ATAD3B: variants seen among roughly 807,000 people sequenced by gnomAD.
ATAD3B encodes ATPase family AAA domain-containing protein 3B.
In ATAD3B, 59 loss-of-function variants were observed where a neutral mutation model predicts 70.2. The ratio of observed to expected loss-of-function variants is 0.84; its 90% confidence interval spans 0.68 to 1.04. The LOEUF (loss-of-function observed/expected upper bound fraction) is 1.04, where lower values mean the gene tolerates loss of function less well. Ranked by LOEUF, ATAD3B falls within the 50% of genes least tolerant of loss-of-function variation. ATAD3B has a pLI of 0.00. For missense variants in ATAD3B, 961 were observed against 913.4 expected (o/e 1.05, Z -0.67); for synonymous variants, 423 against 388.6 (o/e 1.09, Z -1.04).
chr1:1,487,828 A>ACTCTCGCCTTGCTTGGCCTCT (rs1557810348), intron 11 of ATAD3B, 35 bp from the exon 12 acceptor site: 1 of 1,610,400 alleles, frequency 6.2e-7, no homozygotes. Flanking sequence ...TCCTGGCGTC[A>ACTCTCGCCTTGCTTGGCCTCT]CTCTCGCCTT....
rs775808909 is a variant in ATAD3B, at chr1:1,477,252, TCCGTGCCA to T, written c.206-20_206-13del. ...GTATCCGTGTATCCTACACCTGCTC[TCCGTGCCA>T]CATGCGCCCGCAGGTTACGCCAAGG... On this transcript the variant is annotated splice_polypyrimidine_tract_variant and intron_variant, in intron 1 of 15. Transcript: ENST00000673477. 4.3e-6 allele frequency: 7 copies of T among 1,611,614 alleles called. No individual in the cohort carries two copies. Among genetic ancestry groups the T allele is most frequent in the Non-Finnish European group, 5.9e-6 (7 of 1,179,354 alleles).
chr1:1,493,983 G>T (rs1325988759), intron 15 of ATAD3B, among the ~76,000 whole-genome samples: 1 of 151,920 alleles, frequency 6.6e-6, no homozygotes, highest in Non-Finnish European at 1.5e-5. Context: ...TTGAGGAGTG[G>T]TACTGATTCT....
downstream of ATAD3B, among the ~76,000 whole-genome samples, chr1:1,498,425 C>T (rs1483173988): frequency 1.3e-5 from 2 of 151,950 alleles, no homozygotes; most frequent in Non-Finnish European, 2.9e-5. Context: ...CGCACCACTG[C>T]ACTCCAGCCT....
the ATAD3B span, among the ~76,000 whole-genome samples, chr1:1,503,943 G>A: frequency 1.3e-5 from 2 of 152,176 alleles, no homozygotes; most frequent in East Asian, 3.9e-4. Context: ...TTTTCACTCA[G>A]CAGAATTTTT....
At chr1:1,480,627 G>A (rs1177244294) in intron 4 of ATAD3B, among the ~76,000 whole-genome samples, 1 of 147,290 alleles carries the variant, frequency 6.8e-6, no homozygotes, top group Non-Finnish European at 1.5e-5. Flanking sequence ...CCTTGTCAGG[G>A]AAGCCACAGT....
intron 4 of ATAD3B, among the ~76,000 whole-genome samples, chr1:1,479,316 A>G (rs1177646225): frequency 6.8e-6 from 1 of 147,840 alleles, no homozygotes; most frequent in African/African-American, 2.5e-5. Flanking sequence ...ACACGGAGAC[A>G]CAGGCACCTG....
At position 1,482,570 on chromosome 1, in the gene ATAD3B, G is replaced by A; in HGVS notation, c.706G>A (p.Gly236Arg). The A allele has an allele frequency of 6.2e-7, 1 of 1,613,356 alleles. No individual in the cohort carries two copies. The highest frequency in any genetic ancestry group is 8.5e-7 in the Non-Finnish European group (1 of 1,179,544). Reference protein sequence around the residue: ...IRTAGTLFGEGFRAFVTDRDK... With the variant: ...IRTAGTLFGERFRAFVTDRDK... Reference sequence around the variant, plus strand: ...GACGGCTGGCACCTTGTTTGGGGAAGGATTCCGTGCCTTTGTGACAGACCG... The same window carrying A: ...GACGGCTGGCACCTTGTTTGGGGAAAGATTCCGTGCCTTTGTGACAGACCG... The change falls in exon 7 of 16, where the codon GGA (glycine) becomes AGA (arginine). Residue 236 changes from glycine (G) to arginine (R), a missense_variant. Gly to Arg is a moderately radical substitution (Grantham distance 125). This residue lies in a region of ATAD3B where 349 missense variants were observed against 307.5 expected (regional missense o/e 1.14). Coordinates refer to ENST00000673477, the MANE Select transcript of ATAD3B (RefSeq NM_031921.6).
intron 11 of ATAD3B, 36 bp from the exon 12 acceptor site, chr1:1,487,827 C>T (rs372066277): frequency 1.2e-6 from 2 of 1,610,442 alleles, no homozygotes; most frequent in South Asian, 2.2e-5. Context: ...CTCCTGGCGT[C>T]ACTCTCGCCT....
chr1:1,483,321 G>A (rs1640025048), intron 7 of ATAD3B, among the ~76,000 whole-genome samples: 1 of 151,766 alleles, frequency 6.6e-6, no homozygotes, highest in African/African-American at 2.4e-5. Context: ...ACAAAAATTA[G>A]CAGGCCAAGG....
chr1:1,501,671 G>A (rs1184894190), downstream of ATAD3B, among the ~76,000 whole-genome samples: 3 of 152,020 alleles, frequency 2.0e-5, no homozygotes, highest in Non-Finnish European at 4.4e-5. Flanking sequence ...GATTACAGGT[G>A]TGAGCCACAG....
the ATAD3B span, among the ~76,000 whole-genome samples, chr1:1,508,054 C>T: frequency 5.3e-5 from 8 of 152,330 alleles, no homozygotes; most frequent in East Asian, 3.9e-4. Context: ...ATCTGCGTAG[C>T]CCCTTTCCTC....
At chr1:1,483,043 C>G in intron 7 of ATAD3B, 1 of 455,904 alleles carries the variant, frequency 2.2e-6, no homozygotes, top group Non-Finnish European at 4.4e-6. Flanking sequence ...GCCTGTAATC[C>G]CAGCATTTTC....
At chr1:1,503,811 G>A in the ATAD3B span, 4 of 1,247,478 alleles carry the variant, frequency 3.2e-6, no homozygotes, top group South Asian at 5.4e-5. Context: ...TCATTTCACA[G>A]AAGGAAACAA....
Position 1,495,902 on chromosome 1 carries a change from G to C in ATAD3B, c.*85G>C, listed in dbSNP as rs1444005094. On this transcript the variant is annotated 3_prime_UTR_variant, in exon 16 of 16. Coordinates refer to ENST00000673477, the MANE Select transcript of ATAD3B (RefSeq NM_031921.6). ...ATTTTCCGTCTGGCTCACAGGGGGAGGGTGAGGCTTTGTACCCCAGCCCCT... is the reference window on the plus strand; with the variant it reads ...ATTTTCCGTCTGGCTCACAGGGGGACGGTGAGGCTTTGTACCCCAGCCCCT... The C allele has an allele frequency of 6.8e-7, 1 of 1,464,056 alleles. No individual in the cohort carries two copies. Among genetic ancestry groups the C allele is most frequent in the Non-Finnish European group, 9.0e-7 (1 of 1,113,036 alleles). 90.7% of individuals were successfully genotyped at this position (1,464,056 alleles called of 1,614,324 possible).
rs771848870 is a variant in ATAD3B at position 1,489,232 on chromosome 1, C to T, written c.1295C>T (p.Thr432Ile). ...TEEISKDLRATLNAFLYHMGQ... is the reference protein window; with the variant it reads ...TEEISKDLRAILNAFLYHMGQ... ...GAGATAAGCAAGGACCTCAGAGCCA[C>T]ACTGAACGCCTTCCTGTACCACATG... is the stretch of plus-strand genomic sequence containing the variant. Residue 432 changes from threonine to isoleucine, a missense_variant, in exon 13 of 16, where the codon ACA (threonine) becomes ATA (isoleucine). Thr to Ile is a moderately conservative substitution (Grantham distance 89). This residue lies in a region of ATAD3B where 417 missense variants were observed against 335.0 expected (regional missense o/e 1.24). Transcript: ENST00000673477. 3.1e-6 allele frequency: 5 copies of T among 1,613,614 alleles called. No homozygotes were observed. Among genetic ancestry groups the T allele is most frequent in the Non-Finnish European group, 4.2e-6 (5 of 1,179,666 alleles).
intron 15 of ATAD3B, among the ~76,000 whole-genome samples, chr1:1,490,976 C>T (rs1640513189): frequency 6.6e-6 from 1 of 151,954 alleles, no homozygotes; most frequent in African/African-American, 2.4e-5. Flanking sequence ...GTTTCTGGCT[C>T]TCATCTTGGC....
downstream of ATAD3B, among the ~76,000 whole-genome samples, chr1:1,498,556 A>G (rs902043890): frequency 1.6e-4 from 24 of 151,230 alleles, no homozygotes; most frequent in Non-Finnish European, 2.4e-4. Flanking sequence ...CAGCTGGGGA[A>G]CTCATTGGGT....
chr1:1,496,353 C>A lies in ATAD3B; in HGVS notation c.*536C>A. On this transcript the variant is annotated 3_prime_UTR_variant, in exon 16 of 16. Coordinates refer to ENST00000673477, the MANE Select transcript of ATAD3B (RefSeq NM_031921.6). ...CGGTGTGCTTCACATCAGCCTCGCG[C>A]CACATCCGAGTTGGGGTCTGAATGC... 1.4e-6 allele frequency: 1 copy of A among 699,150 alleles called. No homozygotes were observed. Among genetic ancestry groups the A allele is most frequent in the Non-Finnish European group, 1.8e-6 (1 of 568,050 alleles). 43.3% of individuals were successfully genotyped at this position (699,150 alleles called of 1,614,324 possible).
the ATAD3B span, chr1:1,509,192 C>G: frequency 6.0e-5 from 97 of 1,612,024 alleles, no homozygotes; most frequent in Non-Finnish European, 7.3e-5. Context: ...TCAGCTCCCT[C>G]TCTCCCCACT....
Sources: allele counts gnomAD v4.1 joint callset (sites outside exome capture counted in the v4.1 genomes callset), GRCh38; gene constraint gnomAD v4.1.1; regional missense constraint gnomAD v4.1.1; transcripts MANE v1.5; gene names NCBI Gene and HGNC (gene_info 2026-07-23, HGNC 2026-07-21).